NOA1: variants seen among roughly 807,000 people sequenced by gnomAD.
The protein encoded by NOA1 is nitric oxide associated 1, also known as nitric oxide-associated protein 1.
In NOA1, 35 loss-of-function variants were observed where a neutral mutation model predicts 58.4. The ratio of observed to expected loss-of-function variants is 0.60; its 90% CI spans 0.46 to 0.79. The LOEUF (loss-of-function observed/expected upper bound fraction) is 0.79, where lower values mean the gene tolerates loss of function less well. NOA1 is among the 30% of genes least tolerant of loss of function. The probability of loss-of-function intolerance (pLI) is 0.00; values close to 1 mark genes in which losing one functional copy is unlikely to be tolerated. For missense variants in NOA1, 895 were observed against 894.6 expected, an observed-to-expected ratio of 1.00 and a Z score of -0.01; for synonymous variants, 397 against 373.4, an observed-to-expected ratio of 1.06 and a Z score of -0.73.
intron 5 of NOA1, among the ~76,000 whole-genome samples, chr4:56,966,030 T>TTC (rs1721701306): frequency 1.4e-5 from 2 of 141,650 alleles, no homozygotes. Context: ...TTTTTTTTTT[T>TTC]TTTTTTTTTT....
At chr4:56,971,107 G>GT (rs1280263435) in intron 3 of NOA1, among the ~76,000 whole-genome samples, 2 of 152,108 alleles carry the variant, frequency 1.3e-5, no homozygotes, top group Non-Finnish European at 2.9e-5. Flanking sequence ...GAGGTGAGGG[G>GT]TTTGAGACCA....
At position 56,977,590 on chromosome 4, in the gene NOA1, A is replaced by C. The variant is rs1253462123; in HGVS notation, c.-5T>G. Reference sequence around the variant, plus strand: ...CGGTAGGCGAGCGGGCAGCATGAGGAAGTAGCTCCAAAGGGGCGGAGCCAC... The same window carrying C: ...CGGTAGGCGAGCGGGCAGCATGAGGCAGTAGCTCCAAAGGGGCGGAGCCAC... On this transcript the variant is annotated 5_prime_UTR_variant, in exon 1 of 7. Transcript: ENST00000264230. 6.4e-7 allele frequency: 1 copy of C among 1,565,394 alleles called. No homozygotes were observed. Among genetic ancestry groups the C allele is most frequent in the East Asian group, 2.4e-5 (1 of 42,326 alleles).
chr4:56,964,719 G>T (rs1342452489), intron 5 of NOA1, among the ~76,000 whole-genome samples, 193 bp from the exon 6 acceptor site: 1 of 152,190 alleles, frequency 6.6e-6, no homozygotes, highest in Non-Finnish European at 1.5e-5. Context: ...ATGGGATGAA[G>T]CTTACAAATC....
chr4:56,971,242 G>A (rs151330413), intron 3 of NOA1, among the ~76,000 whole-genome samples: 4,488 of 150,796 alleles, frequency 0.03, 97 homozygotes, highest in African/African-American at 0.063. Context: ...GAACCCAGGC[G>A]GCAGAGGTTG....
At chr4:56,974,143 C>A in intron 1 of NOA1, 121 bp from the exon 2 acceptor site, 4 of 702,270 alleles carry the variant, frequency 5.7e-6, no homozygotes, top group East Asian at 5.5e-5. Flanking sequence ...TGCCACTTTA[C>A]AAATGAGGAA....
In NOA1 at chr4:56,966,671, C is replaced by T. The variant is rs373558659; in HGVS notation, c.1713G>A (p.Leu571=). 2.2e-5 allele frequency: 35 copies of T among 1,613,966 alleles called. 1 individual carries two copies. The African/African-American group carries it at 2.4e-4, about 11-fold the overall frequency. ...SNILPVHITS[L]DRADALYQKH... The stretch of plus-strand genomic sequence containing the variant: ...TCTGATACAGAGCGTCTGCCCTGTC[C>T]AAGGAGGTGATATGCACAGGGAGGA... The change falls in exon 5 of 7, where the codon TTG becomes TTA. Residue 571 remains leucine, a synonymous_variant. Coordinates refer to ENST00000264230, the MANE Select transcript of NOA1 (RefSeq NM_032313.4).
chr4:56,966,838 C>T, intron 4 of NOA1, 102 bp from the exon 5 acceptor site: 1 of 733,288 alleles, frequency 1.4e-6, no homozygotes, highest in Non-Finnish European at 2.4e-6. Context: ...AAACAAAAAC[C>T]CAATCAGACT....
chr4:56,971,270 T>G (rs974373659), intron 3 of NOA1, among the ~76,000 whole-genome samples: 6 of 134,666 alleles, frequency 4.5e-5, no homozygotes, highest in African/African-American at 1.7e-4. Context: ...CCAAGATCAT[T>G]GCGCCACTGC....
chr4:56,967,304 C>T (rs4865166), intron 4 of NOA1, among the ~76,000 whole-genome samples: 35,942 of 150,752 alleles, frequency 0.24, 4,563 homozygotes, highest in Middle Eastern at 0.39. Flanking sequence ...CATTGGAGCC[C>T]AGGAGGTTGA....
intron 2 of NOA1, 109 bp downstream of exon 2, chr4:56,973,749 C>T: frequency 9.7e-7 from 1 of 1,029,108 alleles, no homozygotes; most frequent in Non-Finnish European, 1.5e-6. Flanking sequence ...ATAAGGAAGG[C>T]AGTCTCTCCC....
chr4:56,964,578 C>G, intron 5 of NOA1, 52 bp from the exon 6 acceptor site: 6 of 1,574,654 alleles, frequency 3.8e-6, no homozygotes, highest in Non-Finnish European at 8.7e-7. Context: ...TCTTGGAACT[C>G]TAACATTAAG....
chr4:56,975,557 C>G (rs1157300869), intron 1 of NOA1, among the ~76,000 whole-genome samples: 2 of 151,220 alleles, frequency 1.3e-5, no homozygotes, highest in Non-Finnish European at 2.9e-5. Context: ...GCCTGGCCAA[C>G]AAGGTGAAAC....
intron 6 of NOA1, 133 bp from the exon 7 acceptor site, chr4:56,963,794 T>A (rs1163783217): frequency 6.1e-6 from 4 of 651,704 alleles, no homozygotes; most frequent in Non-Finnish European, 1.0e-5. Context: ...TATTATTTTT[T>A]AAGAAACTGC....
At chr4:56,976,082 T>G (rs180733076) in intron 1 of NOA1, among the ~76,000 whole-genome samples, 1 of 152,152 alleles carries the variant, frequency 6.6e-6, no homozygotes, top group East Asian at 1.9e-4. Flanking sequence ...CAAAGTTCAT[T>G]AGGTTCAGAC....
Position 56,977,488 on chromosome 4 carries a change from T to C in NOA1, c.98A>G (p.Glu33Gly), listed in dbSNP as rs2109625406. 3 of 1,613,736 alleles carry C rather than the reference T, an allele frequency of 1.9e-6. No homozygotes were observed. In the East Asian group the frequency reaches 6.7e-5, roughly 36 times the overall value. ...ARHGLREPLL[E>G]RRCAAASSFQ... ...GGAGGAGGCGGCAGCGCACCTCCTC[T>C]CCAGGAGCGGCTCCCGGAGGCCATG... The change falls in exon 1 of 7, where the codon GAG (glutamate) becomes GGG (glycine). Residue 33 changes from glutamate (E) to glycine (G), a missense_variant. Transcript: ENST00000264230.
At chr4:56,976,358 A>T in intron 1 of NOA1, 84 bp downstream of exon 1, 1 of 1,220,834 alleles carries the variant, frequency 8.2e-7, no homozygotes, top group Non-Finnish European at 1.2e-6. Flanking sequence ...AGTGGACATT[A>T]AGGGAGGATG....
intron 3 of NOA1, among the ~76,000 whole-genome samples, chr4:56,971,698 CA>C (rs2109618294): frequency 6.6e-6 from 1 of 152,096 alleles, no homozygotes; most frequent in African/African-American, 2.4e-5. Context: ...ACATTTGAGT[CA>C]ATCAATGATC....
At chr4:56,965,650 GGAT>G (rs1349131547) in intron 5 of NOA1, among the ~76,000 whole-genome samples, 1 of 151,568 alleles carries the variant, frequency 6.6e-6, no homozygotes, top group African/African-American at 2.4e-5. Context: ...ACTGGAAAAA[GGAT>G]GATGAGTTCG....
chr4:56,968,560 AAT>A, intron 3 of NOA1, 45 bp from the exon 4 acceptor site: 2 of 1,418,112 alleles, frequency 1.4e-6, no homozygotes, highest in Non-Finnish European at 1.9e-6. Context: ...TTTTATTGAA[AAT>A]ATGATATATT....
Sources: allele counts gnomAD v4.1 joint callset (sites outside exome capture counted in the v4.1 genomes callset), GRCh38; gene constraint gnomAD v4.1.1; transcripts MANE v1.5; gene names NCBI Gene and HGNC (gene_info 2026-07-23, HGNC 2026-07-21).